Variants in STK32A observed in about 807,000 individuals in gnomAD.
STK32A encodes serine/threonine-protein kinase 32A.
A neutral mutation model predicts 53.2 loss-of-function variants in STK32A; 41 were observed. That is an observed-to-expected ratio of 0.77 (90% CI 0.60 to 1.00). The LOEUF (loss-of-function observed/expected upper bound fraction) is 1.00. Among genes scored for constraint, STK32A ranks in the 50% least tolerant of loss-of-function variants. STK32A has a pLI of 0.00. For synonymous variants in STK32A, 166 were observed against 162.8 expected (o/e 1.02, Z -0.15); for missense variants, 458 against 485.8 (o/e 0.94, Z 0.54).
chr5:147,356,065 C>A (rs1158169318), intron 7 of STK32A, among the ~76,000 whole-genome samples: 2 of 151,886 alleles, frequency 1.3e-5, no homozygotes, highest in Middle Eastern at 3.2e-3. Flanking sequence ...AAACTCTCAA[C>A]CCCATAAAAT....
At chr5:147,305,523 C>T (rs1753363775) in intron 4 of STK32A, among the ~76,000 whole-genome samples, 1 of 152,182 alleles carries the variant, frequency 6.6e-6, no homozygotes, top group Admixed American at 6.5e-5. Flanking sequence ...TGGCTGTCTC[C>T]TGTCTCTATC....
chr5:147,251,638 A>C (rs1424721873), intron 2 of STK32A, among the ~76,000 whole-genome samples: 1 of 152,196 alleles, frequency 6.6e-6, no homozygotes, highest in Admixed American at 6.5e-5. Context: ...TACATCAAAC[A>C]CCCATTATGT....
At chr5:147,320,042 A>G (rs1183448033) in intron 4 of STK32A, among the ~76,000 whole-genome samples, 2 of 152,224 alleles carry the variant, frequency 1.3e-5, no homozygotes, top group Non-Finnish European at 2.9e-5. Context: ...TTCATAAAAA[A>G]AATCATAACG....
At chr5:147,362,373 A>C (rs933192172) in intron 8 of STK32A, among the ~76,000 whole-genome samples, 3 of 152,174 alleles carry the variant, frequency 2.0e-5, no homozygotes, top group African/African-American at 7.2e-5. Context: ...TGGCTTGCAG[A>C]TAGCAGCCTT....
intron 4 of STK32A, among the ~76,000 whole-genome samples, chr5:147,302,231 A>C (rs1048066008): frequency 6.6e-6 from 1 of 152,166 alleles, no homozygotes; most frequent in Non-Finnish European, 1.5e-5. Flanking sequence ...TATGCCATTC[A>C]CAAGATTGCT....
intron 2 of STK32A, among the ~76,000 whole-genome samples, chr5:147,272,261 G>A (rs1045488014): frequency 1.3e-5 from 2 of 152,136 alleles, no homozygotes; most frequent in African/African-American, 4.8e-5. Flanking sequence ...ATTTTTAGTA[G>A]AGACTGGGTT....
chr5:147,351,030 A>G lies in STK32A; in HGVS notation c.473-35A>G, dbSNP rs759640077. On this transcript the variant is annotated intron_variant, in intron 6 of 12. Transcript: ENST00000397936. ...TGATTGTGCCACTGGGTTGAATGGG[A>G]CTTAACTTTCTGTGTGGTTCTTCTC... is the stretch of plus-strand genomic sequence containing the variant. The G allele has an allele frequency of 2.5e-6, 4 of 1,584,490 alleles. No individual in the cohort carries two copies. The South Asian group carries it at 3.3e-5, about 13-fold the overall frequency.
rs1169570670 is a variant in STK32A, at chr5:147,314,576, GA to G, written c.261-9318del. Among the ~76,000 whole-genome samples, 11 of 138,634 alleles carry G rather than the reference GA, an allele frequency of 7.9e-5. No individual in the cohort carries two copies. The East Asian group carries it at 2.3e-3, about 29-fold the overall frequency. The allele number at this position is 138,634 out of a possible 152,430, so 90.9% of individuals were successfully genotyped here. A position where few individuals can be genotyped will look rare whatever the true frequency, so the allele number is the denominator to read the frequency against. ...TTCTTCCAAGTCAATAATAAAAACAGAAAATGCAATTTAAAAATGGATAAAG... is the reference window on the plus strand; with the variant it reads ...TTCTTCCAAGTCAATAATAAAAACAGAAATGCAATTTAAAAATGGATAAAG... On this transcript the variant is annotated intron_variant, in intron 4 of 12. Transcript: ENST00000397936.
intron 2 of STK32A, among the ~76,000 whole-genome samples, chr5:147,258,618 A>C (rs1055215346): frequency 6.6e-6 from 1 of 152,016 alleles, no homozygotes; most frequent in African/African-American, 2.4e-5. Flanking sequence ...TTCTTTAAAC[A>C]ACTAGTTAAT....
At chr5:147,259,302 A>C (rs1453806430) in intron 2 of STK32A, among the ~76,000 whole-genome samples, 1 of 152,112 alleles carries the variant, frequency 6.6e-6, no homozygotes, top group African/African-American at 2.4e-5. Context: ...GTTTCCTCTA[A>C]AAGTTACTTT....
At chr5:147,261,583 C>G (rs574670454) in intron 2 of STK32A, among the ~76,000 whole-genome samples, 1 of 151,896 alleles carries the variant, frequency 6.6e-6, no homozygotes, top group African/African-American at 2.4e-5. Flanking sequence ...GGTTGCTTTA[C>G]GAGGAAGTTA....
At chr5:147,396,709 A>G in the STK32A span, among the ~76,000 whole-genome samples, 1 of 152,162 alleles carries the variant, frequency 6.6e-6, no homozygotes. Flanking sequence ...TTCAGAATCT[A>G]AATCACACTC....
intron 7 of STK32A, among the ~76,000 whole-genome samples, chr5:147,356,489 A>C (rs2151995932): frequency 6.6e-6 from 1 of 152,288 alleles, no homozygotes; most frequent in African/African-American, 2.4e-5. Flanking sequence ...TTGACTGTGA[A>C]GCTGGAGACA....
At chr5:147,250,661 G>A (rs570138628) in intron 2 of STK32A, among the ~76,000 whole-genome samples, 9 of 152,226 alleles carry the variant, frequency 5.9e-5, no homozygotes, top group East Asian at 1.9e-4. Flanking sequence ...GCAGATATGG[G>A]CCCAGTGCGG....
rs1273005329 is a variant in STK32A at position 147,323,956 on chromosome 5, G to A, written c.319G>A (p.Asp107Asn). The change falls in exon 5 of 13, where the codon GAC becomes AAC. Residue 107 changes from aspartate (D) to asparagine (N), a missense_variant. Coordinates refer to ENST00000397936, the MANE Select transcript of STK32A (RefSeq NM_001112724.2). ...GGTGGTGGACCTCCTGCTGGGTGGAGACCTGCGTTATCACCTGCAACAGAA... is the reference window on the plus strand; with the variant it reads ...GGTGGTGGACCTCCTGCTGGGTGGAAACCTGCGTTATCACCTGCAACAGAA... ...FMVVDLLLGG[D>N]LRYHLQQNVH... 6.2e-7 allele frequency: 1 copy of A among 1,613,588 alleles called. No individual in the cohort carries two copies. Among genetic ancestry groups the A allele is most frequent in the East Asian group, 2.2e-5 (1 of 44,872 alleles).
chr5:147,256,375 C>A (rs954452879), intron 2 of STK32A, among the ~76,000 whole-genome samples: 2 of 152,170 alleles, frequency 1.3e-5, no homozygotes, highest in South Asian at 4.1e-4. Context: ...ACCATGCAGC[C>A]CATGCCTGGT....
chr5:147,357,005 T>G (rs867301764), intron 7 of STK32A, among the ~76,000 whole-genome samples: 23 of 152,152 alleles, frequency 1.5e-4, no homozygotes, highest in Admixed American at 9.8e-4. Context: ...AAATTTTGTG[T>G]TCTCACCACA....
chr5:147,335,587 G>T lies in STK32A; in HGVS notation c.435-7419G>T, dbSNP rs775548819. On this transcript the variant is annotated intron_variant, in intron 5 of 12. Transcript: ENST00000397936. ...CCTTCTCAAAACTTTCCCCAGGACA[G>T]CAAGGAAGCTTTTTCCTCAGAAGCC... 5.9e-5 allele frequency among the ~76,000 whole-genome samples: 9 copies of T among 152,170 alleles called. No homozygotes were observed. The South Asian group carries it at 1.0e-3, about 18-fold the overall frequency.
At chr5:147,282,115 TAAAAC>T (rs1341040770) in intron 4 of STK32A, among the ~76,000 whole-genome samples, 1 of 152,108 alleles carries the variant, frequency 6.6e-6, no homozygotes, top group African/African-American at 2.4e-5. Flanking sequence ...CTCTAAATCT[TAAAAC>T]AAATCCTGGA....
Sources: gnomAD v4.1 joint callset for allele counts (sites outside exome capture counted in the v4.1 genomes callset) on GRCh38, gnomAD v4.1.1 for gene constraint, MANE v1.5 for transcripts, NCBI Gene and HGNC (gene_info 2026-07-23, HGNC 2026-07-21) for gene names.